Variants in PCDHGA4 observed in about 807,000 individuals in gnomAD.
PCDHGA4 encodes the protein protocadherin gamma subfamily A, 4.
Under a neutral mutation model 54.6 loss-of-function variants are expected in PCDHGA4, and 38 were observed. The observed-to-expected ratio is 0.70, with a 90% CI of 0.54 to 0.91. The LOEUF is 0.91. Among genes scored for constraint, PCDHGA4 ranks in the 40% least tolerant of loss-of-function variants. The probability of loss-of-function intolerance (pLI) is 0.00; values close to 1 mark genes in which losing one functional copy is unlikely to be tolerated. For synonymous variants in PCDHGA4, 511 were observed against 512.9 expected (o/e 1.00, Z 0.05); for missense variants, 1,298 against 1,220.9 (o/e 1.06, Z -0.94).
rs370932300 is a variant in PCDHGA4, at chr5:141,459,955, G to A, written c.2515-34852G>A. Among the ~76,000 whole-genome samples, 15 of 152,316 alleles carry A rather than the reference G, an allele frequency of 9.8e-5. No homozygotes were observed. The East Asian group carries it at 2.3e-3, about 24-fold the overall frequency. The stretch of plus-strand genomic sequence containing the variant: ...TAGCTGGGCGTGATGGCAGGTGCCT[G>A]TAATCCCAGCTACTCAGGAGGCTGA... On this transcript the variant is annotated intron_variant, in intron 1 of 3. Coordinates refer to ENST00000571252, the MANE Select transcript of PCDHGA4 (RefSeq NM_018917.4).
At position 141,406,249 on chromosome 5, in the gene PCDHGA4, G is replaced by A. The variant is rs73279090; in HGVS notation, c.2514+48628G>A. Among the ~76,000 whole-genome samples, 1,262 of 152,022 alleles carry A rather than the reference G, an allele frequency of 8.3e-3. 17 individuals are homozygous for A. The highest frequency in any genetic ancestry group is 0.029 in the African/African-American group (1,198 of 41,452). On this transcript the variant is annotated intron_variant, in intron 1 of 3. Coordinates refer to ENST00000571252, the MANE Select transcript of PCDHGA4 (RefSeq NM_018917.4). ...CTAGCAAGCTATGTTGCCCAGACTG[G>A]TCTCAAACGATCTTCCTGCTTCAGT...
chr5:141,427,606 G>A (rs965315804), intron 1 of PCDHGA4: 2 of 688,192 alleles, frequency 2.9e-6, no homozygotes, highest in African/African-American at 3.5e-5. Flanking sequence ...CTACGCATTG[G>A]TGAAGTCAAC....
rs540188136 is a variant in PCDHGA4 at position 141,375,695 on chromosome 5, G to T, written c.2514+18074G>T. Reference sequence around the variant, plus strand: ...GCTGTGGGTGACAGCCAGCGACAGCGGGGACCCGCCTCTTAGCAGCAACGT... The same window carrying T: ...GCTGTGGGTGACAGCCAGCGACAGCTGGGACCCGCCTCTTAGCAGCAACGT... On this transcript the variant is annotated intron_variant, in intron 1 of 3. Coordinates refer to ENST00000571252, the MANE Select transcript of PCDHGA4 (RefSeq NM_018917.4). 1.5e-5 allele frequency: 25 copies of T among 1,614,250 alleles called. No individual in the cohort carries two copies. In the African/African-American group the frequency reaches 2.9e-4, roughly 19 times the overall value.
At chr5:141,399,466 G>A (rs1229342978) in intron 1 of PCDHGA4, 5 of 1,613,886 alleles carry the variant, frequency 3.1e-6, no homozygotes, top group East Asian at 4.5e-5. Context: ...TAACGCTCCG[G>A]TTTTCCACCA....
chr5:141,423,552 C>A, intron 1 of PCDHGA4: 2 of 1,613,720 alleles, frequency 1.2e-6, no homozygotes, highest in Non-Finnish European at 1.7e-6. Context: ...CCCAGCCCAA[C>A]TATGGGGACA....
intron 1 of PCDHGA4, chr5:141,419,164 C>G: frequency 6.2e-7 from 1 of 1,613,966 alleles, no homozygotes; most frequent in Non-Finnish European, 8.5e-7. Context: ...TATCCTCCAG[C>G]AAAACCATAA....
At chr5:141,365,801 C>G in intron 1 of PCDHGA4, 1 of 1,613,966 alleles carries the variant, frequency 6.2e-7, no homozygotes, top group Non-Finnish European at 8.5e-7. Context: ...CACCTACTCC[C>G]TGGCTGAAGA....
chr5:141,483,916 A>C (rs1377841777), intron 1 of PCDHGA4, among the ~76,000 whole-genome samples: 1 of 144,996 alleles, frequency 6.9e-6, no homozygotes, highest in African/African-American at 2.5e-5. Flanking sequence ...TCCCACTCAG[A>C]TTGCAGGTCG....
At chr5:141,478,454 A>G (rs766350066) in intron 1 of PCDHGA4, 4 of 1,613,596 alleles carry the variant, frequency 2.5e-6, no homozygotes, top group Non-Finnish European at 3.4e-6. Context: ...TGGTGCAGCC[A>G]GTCCACTGGC....
chr5:141,485,543 G>C lies in PCDHGA4; in HGVS notation c.2515-9264G>C. 1.9e-6 allele frequency: 3 copies of C among 1,614,092 alleles called. No homozygotes were observed. The highest frequency in any genetic ancestry group is 2.5e-6 in the Non-Finnish European group (3 of 1,179,972). On this transcript the variant is annotated intron_variant, in intron 1 of 3. Coordinates refer to ENST00000571252, the MANE Select transcript of PCDHGA4 (RefSeq NM_018917.4). This position sits in a 1 kb window ranked among gnomAD's most constrained non-coding sequence, Gnocchi z 5.7. Reference sequence around the variant, plus strand: ...AATGTACCGAGCAGAGGTAGAGATCGTAGATGTGAATGATCACGCCCCCCG... The same window carrying C: ...AATGTACCGAGCAGAGGTAGAGATCCTAGATGTGAATGATCACGCCCCCCG...
chr5:141,492,919 C>A (rs1019663003), intron 1 of PCDHGA4, among the ~76,000 whole-genome samples: 1 of 152,192 alleles, frequency 6.6e-6, no homozygotes, highest in Non-Finnish European at 1.5e-5. Context: ...ATGTGCCCAG[C>A]GATCTAGGGT....
At chr5:141,373,840 A>T in intron 1 of PCDHGA4, 1 of 434,496 alleles carries the variant, frequency 2.3e-6, no homozygotes, top group Non-Finnish European at 4.1e-6. Context: ...TTAAGTTAGG[A>T]CTCTAAGCGT....
rs774271747 is a variant in PCDHGA4 at position 141,485,866 on chromosome 5, C to A, written c.2515-8941C>A. On this transcript the variant is annotated intron_variant, in intron 1 of 3. Coordinates refer to ENST00000571252, the MANE Select transcript of PCDHGA4 (RefSeq NM_018917.4). The surrounding 1 kb of genome is among the most constrained non-coding windows in gnomAD (Gnocchi z 5.7). Reference sequence around the variant, plus strand: ...CTGGCACCGCAGAGCTCCGGGTATCCGTGCTGGACGTAAACGACAACGCCC... The same window carrying A: ...CTGGCACCGCAGAGCTCCGGGTATCAGTGCTGGACGTAAACGACAACGCCC... 2 of 1,614,144 alleles carry A rather than the reference C, an allele frequency of 1.2e-6. No homozygotes were observed. Among genetic ancestry groups the A allele is most frequent in the South Asian group, 1.1e-5 (1 of 91,074 alleles).
At chr5:141,389,664 G>T (rs1182835621) in intron 1 of PCDHGA4, 1 of 1,612,328 alleles carries the variant, frequency 6.2e-7, no homozygotes, top group African/African-American at 1.3e-5. Context: ...GGCGGTGGAC[G>T]CAGACTCAGG....
chr5:141,464,824 G>A (rs1329087889), intron 1 of PCDHGA4, among the ~76,000 whole-genome samples: 2 of 151,816 alleles, frequency 1.3e-5, no homozygotes, highest in African/African-American at 2.4e-5. Context: ...CTGTAGCCTC[G>A]CACTCCTGGG....
At chr5:141,405,442 CAG>C in intron 1 of PCDHGA4, 1 of 1,378,150 alleles carries the variant, frequency 7.3e-7, no homozygotes, top group South Asian at 1.3e-5. Context: ...GTTTTTGAGA[CAG>C]AGTCTTACTC....
chr5:141,415,529 G>C, intron 1 of PCDHGA4: 1 of 1,614,184 alleles, frequency 6.2e-7, no homozygotes, highest in South Asian at 1.1e-5. Context: ...ACGCTCATCA[G>C]CCAGGAGAGC....
chr5:141,390,650 G>A lies in PCDHGA4; in HGVS notation c.2514+33029G>A, dbSNP rs750733568. ...TATGATGAATACTTTTTTCAGCTTG[G>A]ATATACCATAAATATAAAAATAATA... On this transcript the variant is annotated intron_variant, in intron 1 of 3. Coordinates refer to ENST00000571252, the MANE Select transcript of PCDHGA4 (RefSeq NM_018917.4). 69 of 210,892 alleles carry A rather than the reference G, an allele frequency of 3.3e-4. 1 individual carries two copies. The highest frequency in any genetic ancestry group is 5.4e-4 in the Non-Finnish European group (57 of 106,318). The allele number at this position is 210,892 out of a possible 1,614,324, so 13.1% of individuals were successfully genotyped here.
rs776330769 is a variant in PCDHGA4 at position 141,413,206 on chromosome 5, T to G, written c.2514+55585T>G. The stretch of plus-strand genomic sequence containing the variant: ...CGCTCAAAGGAATCGCTCAAAGGAA[T>G]CAAAGGATTGCAGCGGGCTGGTCCT... On this transcript the variant is annotated intron_variant, in intron 1 of 3. Transcript: ENST00000571252. 4.3e-6 allele frequency: 7 copies of G among 1,612,936 alleles called. 1 individual carries two copies. In the South Asian group the frequency reaches 7.7e-5, roughly 18 times the overall value.
Sources: allele counts gnomAD v4.1 joint callset (sites outside exome capture counted in the v4.1 genomes callset), GRCh38; gene constraint gnomAD v4.1.1; non-coding constraint Gnocchi (gnomAD v3.1); transcripts MANE v1.5; gene names NCBI Gene and HGNC (gene_info 2026-07-23, HGNC 2026-07-21).